The following PRIM2 variants were observed in gnomAD, a reference collection of about 807,000 sequenced individuals.
PRIM2 encodes the protein DNA primase large subunit.
A neutral mutation model predicts 67.3 loss-of-function variants in PRIM2; 39 were observed. The ratio of observed to expected loss-of-function variants is 0.58; its 90% CI spans 0.45 to 0.76. The LOEUF (loss-of-function observed/expected upper bound fraction) is 0.76, where lower values mean the gene tolerates loss of function less well. Ranked by LOEUF, PRIM2 falls within the 30% of genes least tolerant of loss-of-function variation. The pLI, the probability that PRIM2 is intolerant of heterozygous loss-of-function variation, is 0.00. For synonymous variants in PRIM2, 143 were observed against 198.7 expected, an observed-to-expected ratio of 0.72 and a Z score of 2.36; for missense variants, 398 against 598.7, an observed-to-expected ratio of 0.66 and a Z score of 3.50.
chr6:57,361,367 G>A (rs1167323573), intron 5 of PRIM2, among the ~76,000 whole-genome samples: 1 of 152,138 alleles, frequency 6.6e-6, no homozygotes, highest in African/African-American at 2.4e-5. Flanking sequence ...CTGTGGCACT[G>A]TAAGTAGGAT....
At chr6:57,583,058 A>G (rs1776126259) in intron 10 of PRIM2, among the ~76,000 whole-genome samples, 2 of 149,446 alleles carry the variant, frequency 1.3e-5, no homozygotes, top group South Asian at 2.1e-4. Flanking sequence ...TGTCCTTGCG[A>G]TGGTTTACTG....
At chr6:57,492,558 AT>A in intron 7 of PRIM2, among the ~76,000 whole-genome samples, 1 of 152,028 alleles carries the variant, frequency 6.6e-6, no homozygotes, top group African/African-American at 2.4e-5. Flanking sequence ...AAAAAAATAA[AT>A]AAATAAATAA....
chr6:57,285,049 T>C, the PRIM2 span, among the ~76,000 whole-genome samples: 1 of 152,104 alleles, frequency 6.6e-6, no homozygotes, highest in Admixed American at 6.5e-5. Context: ...CCTGGACACA[T>C]ACACCCTCCC....
At chr6:57,613,405 G>A (rs1582020259) in intron 12 of PRIM2, among the ~76,000 whole-genome samples, 1 of 152,156 alleles carries the variant, frequency 6.6e-6, no homozygotes, top group African/African-American at 2.4e-5. Flanking sequence ...TAGAAAGAAA[G>A]TATAATGTTA....
intron 12 of PRIM2, among the ~76,000 whole-genome samples, chr6:57,620,613 T>G (rs1295952480): frequency 2.6e-5 from 4 of 152,074 alleles, no homozygotes; most frequent in African/African-American, 9.7e-5. Flanking sequence ...CAGAATATCT[T>G]TAAAGCATAA....
intron 7 of PRIM2, among the ~76,000 whole-genome samples, chr6:57,487,434 G>A (rs1388427777): frequency 6.6e-6 from 1 of 152,162 alleles, no homozygotes. Context: ...TTACCATGTT[G>A]CCCAGGCTGG....
At chr6:57,253,371 T>C in the PRIM2 span, among the ~76,000 whole-genome samples, 1 of 152,222 alleles carries the variant, frequency 6.6e-6, no homozygotes, top group African/African-American at 2.4e-5. Context: ...CTATGGTCTA[T>C]AAATCAGAAA....
At chr6:57,289,486 C>T in the PRIM2 span, among the ~76,000 whole-genome samples, 4 of 152,012 alleles carry the variant, frequency 2.6e-5, no homozygotes, top group South Asian at 2.1e-4. Context: ...GAAGAGCAAC[C>T]CCAAGACACA....
At chr6:57,610,910 A>G (rs1161652960) in intron 12 of PRIM2, among the ~76,000 whole-genome samples, 21 of 152,334 alleles carry the variant, frequency 1.4e-4, no homozygotes, top group Middle Eastern at 3.4e-3. Flanking sequence ...GACATGAAAT[A>G]GTAACCCAGG....
chr6:57,529,317 A>G (rs1472237041), intron 8 of PRIM2, among the ~76,000 whole-genome samples: 2 of 152,102 alleles, frequency 1.3e-5, no homozygotes, highest in Non-Finnish European at 2.9e-5. Flanking sequence ...CCGTCTCAAA[A>G]AAAAAAAACA....
intron 7 of PRIM2, among the ~76,000 whole-genome samples, chr6:57,440,188 G>C (rs1021141131): frequency 6.6e-6 from 1 of 150,978 alleles, no homozygotes; most frequent in African/African-American, 2.4e-5. Flanking sequence ...TTTTTAGGAG[G>C]ACCTTTTATT....
At chr6:57,602,241 A>G (rs1340864672) in intron 11 of PRIM2, among the ~76,000 whole-genome samples, 1 of 152,010 alleles carries the variant, frequency 6.6e-6, no homozygotes, top group Non-Finnish European at 1.5e-5. Context: ...TTGTATTTTT[A>G]ATAGAGACGA....
At chr6:57,507,545 C>T in intron 8 of PRIM2, 91 bp downstream of exon 8, 3 of 1,369,324 alleles carry the variant, frequency 2.2e-6, no homozygotes, top group Non-Finnish European at 2.9e-6. Context: ...CCTTCAATTA[C>T]TAAAAACTTA....
the PRIM2 span, among the ~76,000 whole-genome samples, chr6:57,292,344 A>G: frequency 1.1e-3 from 162 of 152,328 alleles, no homozygotes; most frequent in African/African-American, 3.8e-3. Flanking sequence ...ATGAAATAAA[A>G]GAGGACACAA....
At chr6:57,567,344 T>C (rs1293406098) in intron 10 of PRIM2, among the ~76,000 whole-genome samples, 3 of 152,186 alleles carry the variant, frequency 2.0e-5, no homozygotes, top group Non-Finnish European at 4.4e-5. Flanking sequence ...GTTCAATACA[T>C]TACATGAGAT....
chr6:57,430,937 A>AT (rs1219634919), intron 7 of PRIM2, among the ~76,000 whole-genome samples: 1 of 152,168 alleles, frequency 6.6e-6, no homozygotes, highest in East Asian at 1.9e-4. Context: ...AATGGGACTG[A>AT]TTGTAGAACA....
chr6:57,571,921 AT>A (rs1775871259), intron 10 of PRIM2, among the ~76,000 whole-genome samples: 1 of 152,204 alleles, frequency 6.6e-6, no homozygotes, highest in Admixed American at 6.5e-5. Flanking sequence ...TGTAAAATCC[AT>A]GAGAGGAACC....
At chr6:57,336,250 G>C (rs1400788202) in intron 5 of PRIM2, among the ~76,000 whole-genome samples, 2 of 152,190 alleles carry the variant, frequency 1.3e-5, no homozygotes, top group African/African-American at 4.8e-5. Flanking sequence ...ACCTGAAAGT[G>C]ACGGGGAGAA....
intron 5 of PRIM2, among the ~76,000 whole-genome samples, chr6:57,375,327 T>C (rs1769725397): frequency 6.6e-6 from 1 of 152,216 alleles, no homozygotes; most frequent in African/African-American, 2.4e-5. Flanking sequence ...GAGATAATCA[T>C]GTGGTTTTTA....
Sources: allele counts gnomAD v4.1 joint callset (sites outside exome capture counted in the v4.1 genomes callset), GRCh38; gene constraint gnomAD v4.1.1; transcripts MANE v1.5; gene names NCBI Gene and HGNC (gene_info 2026-07-23, HGNC 2026-07-21).